The following QTMAN variants were observed in gnomAD, a reference collection of about 807,000 sequenced individuals.
The protein encoded by QTMAN is queuosine-tRNA mannosyltransferase, also known as tRNA-queuosine alpha-mannosyltransferase.
chr2:143,987,460 AC>A, the QTMAN span, among the ~76,000 whole-genome samples: 13 of 152,120 alleles, frequency 8.5e-5, no homozygotes, highest in African/African-American at 3.1e-4. Flanking sequence ...AATTATCCTC[AC>A]TTCCTCAGTG....
At chr2:144,119,842 C>T in the QTMAN span, among the ~76,000 whole-genome samples, 6 of 151,710 alleles carry the variant, frequency 4.0e-5, no homozygotes, top group East Asian at 1.9e-4. Flanking sequence ...AAGCACCCTG[C>T]GTTTGCCCAT....
the QTMAN span, among the ~76,000 whole-genome samples, chr2:144,213,247 T>A: frequency 6.6e-6 from 1 of 152,298 alleles, no homozygotes; most frequent in South Asian, 2.1e-4. Flanking sequence ...AATTTCTTTA[T>A]TCCCTAAGCC....
At chr2:143,971,399 C>T in the QTMAN span, among the ~76,000 whole-genome samples, 1 of 151,950 alleles carries the variant, frequency 6.6e-6, no homozygotes, top group Non-Finnish European at 1.5e-5. Context: ...TGGAGTTATG[C>T]CCATATAAAA....
the QTMAN span, among the ~76,000 whole-genome samples, chr2:144,042,655 T>A: frequency 6.7e-6 from 1 of 150,230 alleles, no homozygotes; most frequent in Non-Finnish European, 1.5e-5. Flanking sequence ...TCCCAGCTAC[T>A]CAGGAGGCTG....
the QTMAN span, among the ~76,000 whole-genome samples, chr2:144,050,995 G>A: frequency 6.6e-6 from 1 of 152,122 alleles, no homozygotes; most frequent in Admixed American, 6.5e-5. Flanking sequence ...CTGTAAATGT[G>A]ATTATTAAGT....
the QTMAN span, among the ~76,000 whole-genome samples, chr2:144,088,883 G>C: frequency 6.6e-6 from 1 of 151,968 alleles, no homozygotes; most frequent in Non-Finnish European, 1.5e-5. Flanking sequence ...AGTAAGCCTA[G>C]GAAAAACTCT....
At chr2:144,131,865 C>G in the QTMAN span, among the ~76,000 whole-genome samples, 6 of 151,912 alleles carry the variant, frequency 3.9e-5, no homozygotes, top group African/African-American at 1.4e-4. Context: ...TTAATACTAC[C>G]TAGCTTCCAG....
At chr2:144,264,658 A>G in the QTMAN span, among the ~76,000 whole-genome samples, 1 of 152,194 alleles carries the variant, frequency 6.6e-6, no homozygotes, top group African/African-American at 2.4e-5. Context: ...ACGAAATCCA[A>G]GAAGTCACCT....
At chr2:143,972,851 C>T in the QTMAN span, among the ~76,000 whole-genome samples, 1 of 152,156 alleles carries the variant, frequency 6.6e-6, no homozygotes, top group African/African-American at 2.4e-5. Context: ...ATACCAGGCA[C>T]TGTCTCAATT....
the QTMAN span, among the ~76,000 whole-genome samples, chr2:143,988,683 T>G: frequency 6.6e-6 from 1 of 152,238 alleles, no homozygotes; most frequent in South Asian, 2.1e-4. Flanking sequence ...CTTAAGGTGT[T>G]CAGTGGTAAA....
the QTMAN span, among the ~76,000 whole-genome samples, chr2:144,209,103 C>CA: frequency 8.5e-5 from 13 of 152,318 alleles, no homozygotes; most frequent in African/African-American, 3.1e-4. Context: ...TGAAAGCCCT[C>CA]ACCTGCTGTG....
chr2:144,280,975 G>A, the QTMAN span, among the ~76,000 whole-genome samples: 2 of 151,160 alleles, frequency 1.3e-5, no homozygotes, highest in African/African-American at 2.4e-5. Context: ...TGTTACATAC[G>A]TATACATGTG....
At chr2:143,949,957 T>C in the QTMAN span, among the ~76,000 whole-genome samples, 1 of 151,762 alleles carries the variant, frequency 6.6e-6, no homozygotes, top group Admixed American at 6.6e-5. Flanking sequence ...AATTGTATCA[T>C]AAAGCTCTTG....
the QTMAN span, among the ~76,000 whole-genome samples, chr2:143,991,206 T>C: frequency 3.9e-4 from 60 of 152,252 alleles, no homozygotes; most frequent in African/African-American, 1.3e-3. Flanking sequence ...TTATGGTAAA[T>C]GTTTTCCAGG....
chr2:144,099,125 A>G, the QTMAN span, among the ~76,000 whole-genome samples: 3 of 152,338 alleles, frequency 2.0e-5, no homozygotes, highest in East Asian at 5.8e-4. Flanking sequence ...ATCTGCATTT[A>G]TAATTCTATA....
chr2:144,221,269 C>T, the QTMAN span, among the ~76,000 whole-genome samples: 6 of 152,152 alleles, frequency 3.9e-5, no homozygotes, highest in Admixed American at 6.5e-5. Context: ...AGCAATACCA[C>T]TTTTAAGGAT....
chr2:144,024,228 T>C, the QTMAN span, among the ~76,000 whole-genome samples: 1 of 152,216 alleles, frequency 6.6e-6, no homozygotes, highest in Non-Finnish European at 1.5e-5. Context: ...ACATTCCAAT[T>C]TTATAGGACT....
At chr2:143,975,448 TGAG>T in the QTMAN span, among the ~76,000 whole-genome samples, 1 of 152,210 alleles carries the variant, frequency 6.6e-6, no homozygotes, top group African/African-American at 2.4e-5. Flanking sequence ...CACTCTGGCC[TGAG>T]GGCTCCATCA....
At chr2:143,952,145 CTAAT>C in the QTMAN span, 5 of 879,994 alleles carry the variant, frequency 5.7e-6, no homozygotes, top group Middle Eastern at 2.3e-4. Flanking sequence ...AGTCACTTTA[CTAAT>C]TAAAAATGCA....
Sources: gnomAD v4.1 joint callset for allele counts (sites outside exome capture counted in the v4.1 genomes callset) on GRCh38, gnomAD v4.1.1 for gene constraint, MANE v1.5 for transcripts, NCBI Gene and HGNC (gene_info 2026-07-23, HGNC 2026-07-21) for gene names.